The following ELMO2 variants were observed in gnomAD, a reference collection of about 807,000 sequenced individuals.
The protein encoded by ELMO2 is engulfment and cell motility protein 2.
In ELMO2, 37 loss-of-function variants were observed where a neutral mutation model predicts 96.2. The ratio of observed to expected loss-of-function variants is 0.38; its 90% CI spans 0.30 to 0.51. ELMO2 has a LOEUF of 0.51. Among genes scored for constraint, ELMO2 ranks in the 20% least tolerant of loss-of-function variants. ELMO2 has a pLI of 0.88. For synonymous variants in ELMO2, 315 were observed against 329.4 expected, an observed-to-expected ratio of 0.96 and a Z score of 0.47; for missense variants, 561 against 912.6, an observed-to-expected ratio of 0.61 and a Z score of 4.96.
intron 11 of ELMO2, among the ~76,000 whole-genome samples, chr20:46,377,215 C>T (rs1358694142): frequency 2.6e-5 from 4 of 152,080 alleles, no homozygotes; most frequent in African/African-American, 4.8e-5. Flanking sequence ...AAATGCATAC[C>T]GGATCTTGAA....
In ELMO2 at chr20:46,373,350, G is replaced by A. The variant is rs374117632; in HGVS notation, c.1416+49C>T. 5.6e-5 allele frequency: 90 copies of A among 1,607,190 alleles called. 1 individual carries two copies. The highest frequency in any genetic ancestry group is 1.3e-4 in the African/African-American group (10 of 74,740). ...TGCCAGCCAGCTGTCAAAGGCTGTC[G>A]TGTGATGGTCTCCTCCCGTGGGCCT... is the stretch of plus-strand genomic sequence containing the variant. On this transcript the variant is annotated intron_variant, in intron 16 of 21. Transcript: ENST00000290246.
chr20:46,393,065 A>G (rs1339261221), intron 6 of ELMO2, 28 bp downstream of exon 6: 1 of 1,607,500 alleles, frequency 6.2e-7, no homozygotes, highest in Non-Finnish European at 8.5e-7. Flanking sequence ...TGACATGAAT[A>G]AACTCCTAAG....
At chr20:46,379,530 T>A (rs776896994) in intron 11 of ELMO2, among the ~76,000 whole-genome samples, 1 of 152,206 alleles carries the variant, frequency 6.6e-6, no homozygotes, top group Non-Finnish European at 1.5e-5. Context: ...CTCAATTAAA[T>A]GCCCTCAGCT....
Position 46,375,102 on chromosome 20 carries a change from G to T in ELMO2, c.1065+134C>A. 1 of 1,233,410 alleles carries T rather than the reference G, an allele frequency of 8.1e-7. No homozygotes were observed. The highest frequency in any genetic ancestry group is 1.1e-6 in the Non-Finnish European group (1 of 893,924). The allele number at this position is 1,233,410 out of a possible 1,614,324, so 76.4% of individuals were successfully genotyped here. On this transcript the variant is annotated intron_variant, in intron 13 of 21. Transcript: ENST00000290246. This position sits in a 1 kb window ranked among gnomAD's most constrained non-coding sequence, Gnocchi z 4.6. ...TCAACAAAGCAAAGCAAGCATTAAAGCTCCACCAGCTTCCTAACTGTCATC... is the reference window on the plus strand; with the variant it reads ...TCAACAAAGCAAAGCAAGCATTAAATCTCCACCAGCTTCCTAACTGTCATC...
intron 8 of ELMO2, 99 bp downstream of exon 8, chr20:46,387,239 C>A: frequency 1.0e-6 from 1 of 976,260 alleles, no homozygotes; most frequent in Non-Finnish European, 1.6e-6. Context: ...GAATATAAAG[C>A]TGATCTCACC....
At chr20:46,383,615 C>T (rs2059994038) in intron 9 of ELMO2, 121 bp from the exon 10 acceptor site, 2 of 974,848 alleles carry the variant, frequency 2.1e-6, no homozygotes, top group African/African-American at 3.2e-5. Context: ...GGAGCTCAGT[C>T]TCAAAAGCAT....
intron 1 of ELMO2, among the ~76,000 whole-genome samples, chr20:46,402,052 A>G (rs1338564264): frequency 6.6e-6 from 1 of 152,200 alleles, no homozygotes; most frequent in East Asian, 1.9e-4. Context: ...GTTCAAGTGC[A>G]TGTTCAAGTC....
At chr20:46,374,256 C>T (rs2059804317) in intron 15 of ELMO2, 76 bp downstream of exon 15, 1 of 1,229,880 alleles carries the variant, frequency 8.1e-7, no homozygotes, top group Non-Finnish European at 1.2e-6. Context: ...TGACATGTAA[C>T]TGTTTATAAT....
chr20:46,367,588 C>T (rs750681322), intron 21 of ELMO2, 28 bp from the exon 22 acceptor site: 1 of 1,570,936 alleles, frequency 6.4e-7, no homozygotes, highest in Non-Finnish European at 8.7e-7. Flanking sequence ...CAAAATGTCA[C>T]ATCGTGACCC....
rs1378711967 is a variant in ELMO2, at chr20:46,367,408, G to A, written c.2115C>T (p.Pro705=). ...CATAGCTGCTGGGCTCCTTGGGGATGGGGGGTGGGGCTTCGGGAATCTGGA... is the reference window on the plus strand; with the variant it reads ...CATAGCTGCTGGGCTCCTTGGGGATAGGGGGTGGGGCTTCGGGAATCTGGA... The part of the protein sequence containing the change: ...ENIQIPEAPP[P]IPKEPSSYDF... Residue 705 remains proline (P), a synonymous_variant, in exon 22 of 22, where the codon CCC becomes CCT. Coordinates refer to ENST00000290246, the MANE Select transcript of ELMO2 (RefSeq NM_133171.5). 5 of 1,608,250 alleles carry A rather than the reference G, an allele frequency of 3.1e-6. No individual in the cohort carries two copies. In the South Asian group the frequency reaches 4.4e-5, roughly 14 times the overall value.
chr20:46,403,961 G>A (rs2060378567), intron 1 of ELMO2, among the ~76,000 whole-genome samples: 1 of 152,172 alleles, frequency 6.6e-6, no homozygotes, highest in Non-Finnish European at 1.5e-5. Context: ...GCAGGCACCT[G>A]TAATCCCAGC....
intron 21 of ELMO2, 72 bp from the exon 22 acceptor site, chr20:46,367,632 T>C: frequency 2.3e-6 from 3 of 1,285,426 alleles, no homozygotes; most frequent in Non-Finnish European, 3.2e-6. Flanking sequence ...AGGTCTCTTT[T>C]CTGATGGGGC....
intron 4 of ELMO2, 65 bp from the exon 5 acceptor site, chr20:46,393,666 A>G: frequency 6.4e-7 from 1 of 1,555,168 alleles, no homozygotes; most frequent in Admixed American, 1.7e-5. Flanking sequence ...GCTCATAAGT[A>G]ATTTTCAAAA....
intron 2 of ELMO2, among the ~76,000 whole-genome samples, chr20:46,397,561 T>C (rs2060267284): frequency 6.6e-6 from 1 of 152,016 alleles, no homozygotes; most frequent in Non-Finnish European, 1.5e-5. Flanking sequence ...TCCCAACTAC[T>C]CGGGAGACTG....
intron 7 of ELMO2, among the ~76,000 whole-genome samples, chr20:46,388,784 A>C (rs1343400452): frequency 1.3e-5 from 2 of 152,012 alleles, no homozygotes; most frequent in African/African-American, 4.8e-5. Flanking sequence ...TCTAGCCCCT[A>C]TTTTCACTGC....
Position 46,375,845 on chromosome 20 carries a change from G to A in ELMO2, c.808-55C>T, listed in dbSNP as rs1187279565. The A allele has an allele frequency of 1.2e-6, 2 of 1,605,874 alleles. No individual in the cohort carries two copies. Among genetic ancestry groups the A allele is most frequent in the African/African-American group, 1.3e-5 (1 of 74,738 alleles). ...ACTGAACTGATCTCTTTTAATGAAG[G>A]GCCACATCCATGCTAAGGAAAAGGA... On this transcript the variant is annotated intron_variant, in intron 11 of 21. Coordinates refer to ENST00000290246, the MANE Select transcript of ELMO2 (RefSeq NM_133171.5). This position sits in a 1 kb window ranked among gnomAD's most constrained non-coding sequence, Gnocchi z 4.6.
chr20:46,393,903 A>T, intron 4 of ELMO2, 146 bp downstream of exon 4: 1 of 1,115,526 alleles, frequency 9.0e-7, no homozygotes, highest in Non-Finnish European at 1.3e-6. Flanking sequence ...TGTCAACTGT[A>T]CTTCCTTCCC....
At chr20:46,405,061 T>C (rs1568796733) in intron 1 of ELMO2, among the ~76,000 whole-genome samples, 1 of 152,192 alleles carries the variant, frequency 6.6e-6, no homozygotes, top group African/African-American at 2.4e-5. Context: ...TTGGTAAATA[T>C]TTATATTGCC....
In ELMO2 at chr20:46,375,788, A is replaced by G. The variant is rs1320862477; in HGVS notation, c.810T>C (p.His270=). 5.0e-6 allele frequency: 8 copies of G among 1,614,170 alleles called. No homozygotes were observed. Among genetic ancestry groups the G allele is most frequent in the Non-Finnish European group, 5.1e-6 (6 of 1,180,012 alleles). Residue 270 remains histidine (H), a splice_region_variant and synonymous_variant, in exon 12 of 22, where the codon CAT becomes CAC. Coordinates refer to ENST00000290246, the MANE Select transcript of ELMO2 (RefSeq NM_133171.5). The surrounding 1 kb of genome is among the most constrained non-coding windows in gnomAD (Gnocchi z 4.6). ...TGATGGGGCGGTTCCCTCGGATCAC[A>G]TGCTAGAAAAAGCACAGGCAGGGAG... The part of the protein sequence containing the change: ...QKHLRSIILN[H]VIRGNRPIKT...
Sources: gnomAD v4.1 joint callset for allele counts (sites outside exome capture counted in the v4.1 genomes callset) on GRCh38, gnomAD v4.1.1 for gene constraint, Gnocchi (gnomAD v3.1) non-coding constraint, MANE v1.5 for transcripts, NCBI Gene and HGNC (gene_info 2026-07-23, HGNC 2026-07-21) for gene names.